Variants in RBMS3 observed in about 807,000 individuals in gnomAD.
The protein encoded by RBMS3 is RNA binding motif single stranded interacting protein 3.
RBMS3 carries 27 observed loss-of-function variants against 66.8 expected under a neutral mutation model. The observed-to-expected ratio is 0.40, with a 90% CI of 0.30 to 0.56. The LOEUF is 0.56. Ranked by LOEUF, RBMS3 falls within the 20% of genes least tolerant of loss-of-function variation. RBMS3 has a pLI of 0.40. For synonymous variants in RBMS3, 188 were observed against 183.0 expected (o/e 1.03, Z -0.22); for missense variants, 513 against 549.5 (o/e 0.93, Z 0.66).
intron 1 of RBMS3, among the ~76,000 whole-genome samples, chr3:29,325,423 C>A (rs2035263147): frequency 6.6e-6 from 1 of 151,316 alleles, no homozygotes; most frequent in African/African-American, 2.4e-5. Flanking sequence ...TATTATCCAT[C>A]CAAAAAGTGA....
intron 4 of RBMS3, among the ~76,000 whole-genome samples, chr3:29,670,289 C>A (rs117495608): frequency 0.027 from 4,122 of 152,204 alleles, 79 homozygotes; most frequent in Admixed American, 0.063. Context: ...GCTTCCAGTT[C>A]CAAGAAGGCC....
At chr3:29,382,324 G>T (rs940528506) in intron 1 of RBMS3, among the ~76,000 whole-genome samples, 2 of 152,176 alleles carry the variant, frequency 1.3e-5, no homozygotes, top group African/African-American at 4.8e-5. Context: ...GAGGCAGAGA[G>T]CAGTTATTCT....
intron 4 of RBMS3, among the ~76,000 whole-genome samples, chr3:29,691,713 G>A (rs570073935): frequency 6.6e-6 from 1 of 152,138 alleles, no homozygotes; most frequent in Non-Finnish European, 1.5e-5. Context: ...TTTATTTTTG[G>A]TTGGTTTCTC....
At chr3:29,919,266 A>G (rs2149650336) in intron 10 of RBMS3, among the ~76,000 whole-genome samples, 1 of 152,318 alleles carries the variant, frequency 6.6e-6, no homozygotes, top group Non-Finnish European at 1.5e-5. Flanking sequence ...CCATTGAAAA[A>G]TAATATCAAT....
At chr3:29,332,282 G>A (rs1157351610) in intron 1 of RBMS3, among the ~76,000 whole-genome samples, 1 of 151,730 alleles carries the variant, frequency 6.6e-6, no homozygotes, top group African/African-American at 2.4e-5. Context: ...TGATGCATTT[G>A]GAGACAAAAC....
At chr3:29,683,118 A>G (rs2051566801) in intron 4 of RBMS3, among the ~76,000 whole-genome samples, 1 of 152,112 alleles carries the variant, frequency 6.6e-6, no homozygotes, top group Non-Finnish European at 1.5e-5. Flanking sequence ...ATTTTTTACT[A>G]CCCGGCTTCC....
In RBMS3 at chr3:29,572,039, G is replaced by A. The variant is rs189284894; in HGVS notation, c.308-15075G>A. ...GTATTTAATTTTATTTTTGACTATA[G>A]TAGGTGGAATTACTTTTTAAATTTC... On this transcript the variant is annotated intron_variant, in intron 3 of 14. Coordinates refer to ENST00000383767, the MANE Select transcript of RBMS3 (RefSeq NM_001003793.3). Among the ~76,000 whole-genome samples, 626 of 151,836 alleles carry A rather than the reference G, an allele frequency of 4.1e-3. 8 individuals are homozygous for A. Among genetic ancestry groups the A allele is most frequent in the South Asian group, 0.036 (174 of 4,822 alleles).
chr3:29,949,556 C>A (rs58260726), intron 12 of RBMS3, among the ~76,000 whole-genome samples: 4,127 of 151,840 alleles, frequency 0.027, 183 homozygotes, highest in African/African-American at 0.094. Flanking sequence ...TATAATACAT[C>A]TGAAGTGACC....
intron 1 of RBMS3, among the ~76,000 whole-genome samples, chr3:29,382,463 C>T (rs1314666167): frequency 1.3e-5 from 2 of 152,190 alleles, no homozygotes; most frequent in African/African-American, 4.8e-5. Flanking sequence ...AAGGTTTTGT[C>T]TGTTGCTTTA....
intron 12 of RBMS3, among the ~76,000 whole-genome samples, chr3:29,981,757 C>A (rs1698012896): frequency 6.6e-6 from 1 of 152,128 alleles, no homozygotes; most frequent in Non-Finnish European, 1.5e-5. Flanking sequence ...TTGAAGCAGC[C>A]TTGCATCCCA....
chr3:29,720,766 A>G (rs1275237974), intron 4 of RBMS3, among the ~76,000 whole-genome samples: 5 of 150,930 alleles, frequency 3.3e-5, no homozygotes. Context: ...AAATTATGAA[A>G]GCATATTTGA....
At chr3:29,309,776 C>T (rs1391199499) in intron 1 of RBMS3, among the ~76,000 whole-genome samples, 1 of 151,562 alleles carries the variant, frequency 6.6e-6, no homozygotes, top group Non-Finnish European at 1.5e-5. Flanking sequence ...GGAAAAAATG[C>T]ATTGCATTTA....
At chr3:29,521,720 A>G (rs187470661) in intron 3 of RBMS3, among the ~76,000 whole-genome samples, 131 of 152,322 alleles carry the variant, frequency 8.6e-4, no homozygotes, top group African/African-American at 3.0e-3. Context: ...TCACTGTAAC[A>G]TGGAGTGCTA....
At chr3:29,972,508 T>C (rs1032445784) in intron 12 of RBMS3, among the ~76,000 whole-genome samples, 1 of 152,060 alleles carries the variant, frequency 6.6e-6, no homozygotes, top group Non-Finnish European at 1.5e-5. Context: ...GATCAACCTC[T>C]AATATGAATA....
At chr3:29,446,234 G>A (rs2041826580) in intron 2 of RBMS3, among the ~76,000 whole-genome samples, 1 of 152,082 alleles carries the variant, frequency 6.6e-6, no homozygotes, top group African/African-American at 2.4e-5. Flanking sequence ...GGGCTTAATA[G>A]TTCCAGGTAC....
chr3:29,484,833 G>A (rs1419062895), intron 2 of RBMS3, among the ~76,000 whole-genome samples: 1 of 152,234 alleles, frequency 6.6e-6, no homozygotes, highest in East Asian at 1.9e-4. Flanking sequence ...TTTGCTAAAA[G>A]GCTAATGTTT....
intron 3 of RBMS3, among the ~76,000 whole-genome samples, chr3:29,496,313 CTCTAA>C (rs914513970): frequency 6.6e-6 from 1 of 151,374 alleles, no homozygotes; most frequent in African/African-American, 2.4e-5. Flanking sequence ...GTGAATTTTA[CTCTAA>C]TCTACTCTAG....
intron 10 of RBMS3, among the ~76,000 whole-genome samples, chr3:29,916,287 G>A (rs1184345888): frequency 6.6e-6 from 1 of 151,776 alleles, no homozygotes; most frequent in Non-Finnish European, 1.5e-5. Flanking sequence ...CAATTTATTA[G>A]ACAATTACTA....
intron 1 of RBMS3, among the ~76,000 whole-genome samples, chr3:29,363,399 G>A (rs971610564): frequency 6.6e-6 from 1 of 152,028 alleles, no homozygotes; most frequent in Non-Finnish European, 1.5e-5. Context: ...CTAATCCAAG[G>A]CTTTATGAAA....
Sources: gnomAD v4.1 joint callset for allele counts (sites outside exome capture counted in the v4.1 genomes callset) on GRCh38, gnomAD v4.1.1 for gene constraint, MANE v1.5 for transcripts, NCBI Gene and HGNC (gene_info 2026-07-23, HGNC 2026-07-21) for gene names.